PEX5L: variants seen among roughly 807,000 people sequenced by gnomAD.
PEX5L encodes peroxisomal biogenesis factor 5 like.
PEX5L carries 30 observed loss-of-function variants against 84.0 expected under a neutral mutation model. The ratio of observed to expected loss-of-function variants is 0.36; its 90% CI spans 0.27 to 0.48. PEX5L has a LOEUF of 0.48. Among genes scored for constraint, PEX5L ranks in the 20% least tolerant of loss-of-function variants. The pLI is 0.99. For synonymous variants in PEX5L, 270 were observed against 283.1 expected (o/e 0.95, Z 0.46); for missense variants, 533 against 754.6 (o/e 0.71, Z 3.44).
intron 8 of PEX5L, among the ~76,000 whole-genome samples, chr3:179,823,414 A>G (rs1022851397): frequency 6.6e-6 from 1 of 152,202 alleles, no homozygotes. Context: ...TATAATCACA[A>G]TAACAGAAAA....
At chr3:179,971,499 A>G in intron 2 of PEX5L, 95 bp downstream of exon 2, 1 of 1,427,278 alleles carries the variant, frequency 7.0e-7, no homozygotes. Context: ...CAGACAGGCT[A>G]ATACAGCTGC....
chr3:179,869,175 C>T (rs1338258462), intron 7 of PEX5L, among the ~76,000 whole-genome samples: 1 of 152,164 alleles, frequency 6.6e-6, no homozygotes, highest in African/African-American at 2.4e-5. Context: ...TAAAATCTAA[C>T]CGAGGTCTGC....
chr3:179,819,004 C>T (rs1206916393), intron 9 of PEX5L, among the ~76,000 whole-genome samples: 1 of 150,434 alleles, frequency 6.6e-6, no homozygotes, highest in African/African-American at 2.5e-5. Flanking sequence ...CCCCTATAGT[C>T]TCCTGTAGAA....
chr3:179,933,443 C>G (rs997287512), intron 2 of PEX5L, among the ~76,000 whole-genome samples: 2 of 61,250 alleles, frequency 3.3e-5, no homozygotes, highest in African/African-American at 1.4e-4. Flanking sequence ...ATATACAATT[C>G]TCTTTTTTTT....
chr3:179,855,696 G>A (rs985224457), intron 8 of PEX5L, among the ~76,000 whole-genome samples: 1 of 152,108 alleles, frequency 6.6e-6, no homozygotes, highest in South Asian at 2.1e-4. Flanking sequence ...AGGTCACGAG[G>A]GCGGGGCTGT....
At chr3:179,886,348 T>G (rs1401810870) in intron 4 of PEX5L, among the ~76,000 whole-genome samples, 2 of 152,246 alleles carry the variant, frequency 1.3e-5, no homozygotes, top group African/African-American at 4.8e-5. Flanking sequence ...CCATTTAATT[T>G]CTTGATTACT....
At chr3:179,943,021 T>C (rs551429312) in intron 2 of PEX5L, among the ~76,000 whole-genome samples, 27 of 152,338 alleles carry the variant, frequency 1.8e-4, no homozygotes, top group Middle Eastern at 3.4e-3. Flanking sequence ...AATACTAACA[T>C]CCAGTGTCGT....
intron 2 of PEX5L, among the ~76,000 whole-genome samples, chr3:179,943,144 C>A (rs1265773286): frequency 1.3e-5 from 2 of 152,178 alleles, no homozygotes; most frequent in Non-Finnish European, 2.9e-5. Context: ...CTTTTAGAAT[C>A]CTGCTTACTT....
intron 2 of PEX5L, among the ~76,000 whole-genome samples, chr3:179,964,851 G>A (rs1032611973): frequency 2.6e-5 from 4 of 152,182 alleles, no homozygotes; most frequent in African/African-American, 7.2e-5. Context: ...CGCACGCTAC[G>A]TACTTTGCTA....
At chr3:179,826,685 GC>G (rs1160772098) in intron 8 of PEX5L, among the ~76,000 whole-genome samples, 4 of 152,132 alleles carry the variant, frequency 2.6e-5, no homozygotes, top group Non-Finnish European at 5.9e-5. Flanking sequence ...GATGAAAAAA[GC>G]CAGCAGTGAA....
chr3:180,000,072 C>T (rs1029912537), intron 1 of PEX5L, among the ~76,000 whole-genome samples: 1 of 152,172 alleles, frequency 6.6e-6, no homozygotes, highest in African/African-American at 2.4e-5. Context: ...TCACCATCAC[C>T]TCTAGTGATC....
chr3:179,931,909 C>T (rs1773220328), intron 2 of PEX5L, among the ~76,000 whole-genome samples: 1 of 138,542 alleles, frequency 7.2e-6, no homozygotes, highest in East Asian at 2.1e-4. Flanking sequence ...TGGCAGATTG[C>T]TGATGGAACC....
Position 179,879,819 on chromosome 3 carries a change from G to A in PEX5L, c.505+110C>T, listed in dbSNP as rs563279111. The A allele has an allele frequency of 6.2e-5, 43 of 696,326 alleles. No individual in the cohort carries two copies. In the East Asian group the frequency reaches 1.1e-3, roughly 18 times the overall value. 43.1% of individuals were successfully genotyped at this position (696,326 alleles called of 1,614,324 possible). On this transcript the variant is annotated intron_variant, in intron 5 of 14. Coordinates refer to ENST00000467460, the MANE Select transcript of PEX5L (RefSeq NM_016559.3). Reference sequence around the variant, plus strand: ...TCCTGTCCAGTTTCCACCATGGAATGCCTTTTCTACTCCTTTGTTCTCTGT... The same window carrying A: ...TCCTGTCCAGTTTCCACCATGGAATACCTTTTCTACTCCTTTGTTCTCTGT...
chr3:179,866,753 G>A (rs1324521532), intron 7 of PEX5L, among the ~76,000 whole-genome samples: 4 of 151,930 alleles, frequency 2.6e-5, no homozygotes, highest in African/African-American at 7.2e-5. Flanking sequence ...GGCCGGGCAC[G>A]GTGGCTCACG....
rs116336689 is a variant in PEX5L at position 179,990,361 on chromosome 3, T to C, written c.22-18696A>G. The stretch of plus-strand genomic sequence containing the variant: ...TTAAAGTAACATGAAATTCCTTTCA[T>C]TAGCTCCTATTTCTCCTCACGGTAT... On this transcript the variant is annotated intron_variant, in intron 1 of 14. Transcript: ENST00000467460. 4.4e-3 allele frequency among the ~76,000 whole-genome samples: 667 copies of C among 152,170 alleles called. 4 individuals are homozygous for C. The highest frequency in any genetic ancestry group is 0.015 in the African/African-American group (639 of 41,480).
intron 7 of PEX5L, among the ~76,000 whole-genome samples, chr3:179,870,055 C>G (rs1749753080): frequency 6.6e-6 from 1 of 152,176 alleles, no homozygotes; most frequent in South Asian, 2.1e-4. Context: ...CAGGCTGAAA[C>G]TGCCCCCACA....
intron 14 of PEX5L, among the ~76,000 whole-genome samples, chr3:179,804,848 G>A (rs965486610): frequency 6.6e-6 from 1 of 152,162 alleles, no homozygotes; most frequent in African/African-American, 2.4e-5. Flanking sequence ...GCCGGGTGTA[G>A]TGGCTCATGC....
rs550231745 is a variant in PEX5L at position 179,797,318 on chromosome 3, A to G, written c.*4510T>C. Reference sequence around the variant, plus strand: ...TGAAAACAATCTCAAGGATAGGATAAGAAAAGCAAATAGAAAAACTGTAAC... The same window carrying G: ...TGAAAACAATCTCAAGGATAGGATAGGAAAAGCAAATAGAAAAACTGTAAC... On this transcript the variant is annotated 3_prime_UTR_variant, in exon 15 of 15. Coordinates refer to ENST00000467460, the MANE Select transcript of PEX5L (RefSeq NM_016559.3). The G allele has an allele frequency of 6.6e-6, 1 of 152,326 alleles. No homozygotes were observed. The highest frequency in any genetic ancestry group is 1.9e-4 in the East Asian group (1 of 5,190). The allele number at this position is 152,326 out of a possible 1,614,324, so 9.4% of individuals were successfully genotyped here. A position where few individuals can be genotyped will look rare whatever the true frequency, so the allele number is the denominator to read the frequency against.
At chr3:179,991,425 T>C (rs971346350) in intron 1 of PEX5L, among the ~76,000 whole-genome samples, 1 of 152,184 alleles carries the variant, frequency 6.6e-6, no homozygotes, top group Admixed American at 6.5e-5. Flanking sequence ...GCTACAAAGA[T>C]TGACCCCTTT....
Sources: allele counts gnomAD v4.1 joint callset (sites outside exome capture counted in the v4.1 genomes callset), GRCh38; gene constraint gnomAD v4.1.1; transcripts MANE v1.5; gene names NCBI Gene and HGNC (gene_info 2026-07-23, HGNC 2026-07-21).